GK5: variants seen among roughly 807,000 people sequenced by gnomAD.
GK5 encodes ATP:glycerol 3-phosphotransferase 5.
A neutral mutation model predicts 77.3 loss-of-function variants in GK5; 39 were observed. The observed-to-expected ratio is 0.50, with a 90% CI of 0.39 to 0.66. The LOEUF is 0.66. Ranked by LOEUF, GK5 falls within the 30% of genes least tolerant of loss-of-function variation. The pLI is 0.00. For synonymous variants in GK5, 211 were observed against 208.0 expected, an observed-to-expected ratio of 1.01 and a Z score of -0.13; for missense variants, 487 against 633.8, an observed-to-expected ratio of 0.77 and a Z score of 2.49.
chr3:142,203,248 C>G (rs1210198964), intron 4 of GK5, among the ~76,000 whole-genome samples: 1 of 152,068 alleles, frequency 6.6e-6, no homozygotes, highest in Non-Finnish European at 1.5e-5. Context: ...GTACATTTTT[C>G]TATATTAAAC....
chr3:142,191,986 A>T (rs2063858550), intron 5 of GK5, among the ~76,000 whole-genome samples: 1 of 152,208 alleles, frequency 6.6e-6, no homozygotes, highest in African/African-American at 2.4e-5. Context: ...TGACAGAGCA[A>T]GAATCTGTCT....
intron 4 of GK5, among the ~76,000 whole-genome samples, chr3:142,199,192 T>TAA (rs200622590): frequency 6.6e-6 from 1 of 151,058 alleles, no homozygotes; most frequent in African/African-American, 2.4e-5. Flanking sequence ...TAAACTTTTT[T>TAA]AAAAAAAAAC....
intron 10 of GK5, 136 bp downstream of exon 10, chr3:142,182,787 T>C (rs1013610457): frequency 4.2e-5 from 24 of 566,860 alleles, no homozygotes; most frequent in Non-Finnish European, 6.6e-5. Context: ...AGGGAAATGA[T>C]AATTAACTGT....
intron 4 of GK5, among the ~76,000 whole-genome samples, chr3:142,203,590 C>T (rs1332607940): frequency 1.3e-5 from 2 of 152,084 alleles, no homozygotes; most frequent in East Asian, 1.9e-4. Context: ...CTGACTAACA[C>T]GGTGAAACCC....
At chr3:142,170,501 G>A (rs1292249977) in intron 14 of GK5, 43 bp from the exon 15 acceptor site, 3 of 1,515,602 alleles carry the variant, frequency 2.0e-6, no homozygotes, top group Non-Finnish European at 2.7e-6. Context: ...TACAACAAAA[G>A]TATCATTCTT....
chr3:142,199,937 GGTTT>G (rs1436196144), intron 4 of GK5, among the ~76,000 whole-genome samples: 7 of 151,478 alleles, frequency 4.6e-5, no homozygotes, highest in African/African-American at 1.5e-4. Flanking sequence ...TAAAGATGTT[GGTTT>G]ATTTGTGAAA....
At chr3:142,222,204 A>G (rs2064358386) in intron 1 of GK5, among the ~76,000 whole-genome samples, 1 of 152,220 alleles carries the variant, frequency 6.6e-6, no homozygotes, top group South Asian at 2.1e-4. Flanking sequence ...GACCAACAAG[A>G]TCCTTGTTCC....
chr3:142,225,325 C>T lies in GK5; in HGVS notation c.131G>A (p.Gly44Asp). ...HVYDRAARVCGSSVQKVENLY... is the reference protein window; with the variant it reads ...HVYDRAARVCDSSVQKVENLY... ...CCAAGTCACCTTCTGCACGCTGGAG[C>T]CGCAGACCCGCGCCGCCCGGTCATA... The change falls in exon 1 of 16, where the codon GGC becomes GAC. Residue 44 changes from glycine (G) to aspartate (D), a missense_variant. Physicochemically the swap from Gly to Asp is moderately conservative, Grantham distance 94. This residue lies in a region of GK5 where 97 missense variants were observed against 86.9 expected (regional missense o/e 1.12). Coordinates refer to ENST00000392993, the MANE Select transcript of GK5 (RefSeq NM_001039547.3). The T allele has an allele frequency of 6.5e-7, 1 of 1,547,614 alleles. No homozygotes were observed.
At chr3:142,223,198 T>G (rs1392389682) in intron 1 of GK5, among the ~76,000 whole-genome samples, 1 of 152,226 alleles carries the variant, frequency 6.6e-6, no homozygotes, top group African/African-American at 2.4e-5. Flanking sequence ...CTGCCCCAAA[T>G]TATATATTAA....
rs900423365 is a variant in GK5 at position 142,164,631 on chromosome 3, C to G, written c.*991G>C. The G allele has an allele frequency of 4.6e-5, 7 of 152,150 alleles. No homozygotes were observed. The highest frequency in any genetic ancestry group is 1.7e-4 in the African/African-American group (7 of 41,432). 9.4% of individuals were successfully genotyped at this position (152,150 alleles called of 1,614,324 possible). On this transcript the variant is annotated 3_prime_UTR_variant, in exon 16 of 16. Transcript: ENST00000392993. The stretch of plus-strand genomic sequence containing the variant: ...ACACATACTCACAGGGATGAGTAGA[C>G]TGAACAAACATCAAAAAGACGCAGG...
At chr3:142,174,631 G>T (rs527368554) in intron 12 of GK5, among the ~76,000 whole-genome samples, 115 of 152,294 alleles carry the variant, frequency 7.6e-4, no homozygotes, top group Admixed American at 2.1e-3. Context: ...ACTAGAGATG[G>T]CAATCACAGG....
chr3:142,220,859 T>A (rs866616488), intron 1 of GK5, among the ~76,000 whole-genome samples: 41 of 152,340 alleles, frequency 2.7e-4, no homozygotes, highest in African/African-American at 9.9e-4. Flanking sequence ...CAGATGGGGT[T>A]GTACGTAGGA....
At chr3:142,166,823 C>T (rs2063477676) in intron 15 of GK5, among the ~76,000 whole-genome samples, 1 of 152,204 alleles carries the variant, frequency 6.6e-6, no homozygotes, top group East Asian at 1.9e-4. Flanking sequence ...GTGTGAGCCA[C>T]AGCACCAGGT....
intron 5 of GK5, among the ~76,000 whole-genome samples, chr3:142,191,564 G>A (rs1302457877): frequency 6.6e-6 from 1 of 151,718 alleles, no homozygotes; most frequent in Non-Finnish European, 1.5e-5. Context: ...TTGGCTGGGC[G>A]CTGTGTCTCT....
intron 12 of GK5, among the ~76,000 whole-genome samples, chr3:142,175,173 C>T (rs960897746): frequency 2.6e-5 from 4 of 152,204 alleles, no homozygotes; most frequent in Non-Finnish European, 5.9e-5. Context: ...ACTCTAACGT[C>T]CAGGTAAATG....
At chr3:142,194,695 ATTTT>A (rs1331413526) in intron 5 of GK5, among the ~76,000 whole-genome samples, 1 of 147,638 alleles carries the variant, frequency 6.8e-6, no homozygotes, top group Non-Finnish European at 1.5e-5. Flanking sequence ...AAAAAAGAAA[ATTTT>A]TTTTTTTGTA....
chr3:142,219,029 T>C (rs1218890825), intron 1 of GK5, among the ~76,000 whole-genome samples: 1 of 152,114 alleles, frequency 6.6e-6, no homozygotes, highest in Non-Finnish European at 1.5e-5. Context: ...GAAATGCAAG[T>C]CAAATCAAAT....
At chr3:142,177,857 C>CTTTTTT (rs370889965) in intron 11 of GK5, among the ~76,000 whole-genome samples, 2 of 128,192 alleles carry the variant, frequency 1.6e-5, no homozygotes, top group Non-Finnish European at 3.3e-5. Flanking sequence ...CGTTTTTTTT[C>CTTTTTT]TTTTTTTTTT....
Position 142,215,680 on chromosome 3 carries a change from A to T in GK5, c.160T>A (p.Tyr54Asn), listed in dbSNP as rs2064265975. 1 of 1,561,894 alleles carries T rather than the reference A, an allele frequency of 6.4e-7. No individual in the cohort carries two copies. Among genetic ancestry groups the T allele is most frequent in the African/African-American group, 1.4e-5 (1 of 73,802 alleles). The part of the protein sequence containing the change: ...GSSVQKVENL[Y>N]PQIGWVEIDP... ...ATTTCTACCCAGCCAATTTGAGGAT[A>T]AAGATTTTCTACCTATTAAGGAAAA... Residue 54 changes from tyrosine (Y) to asparagine (N), a missense_variant, in exon 2 of 16, where the codon TAT (tyrosine) becomes AAT (asparagine). This residue lies in a region of GK5 where 97 missense variants were observed against 86.9 expected (regional missense o/e 1.12). Coordinates refer to ENST00000392993, the MANE Select transcript of GK5 (RefSeq NM_001039547.3).
Sources: allele counts gnomAD v4.1 joint callset (sites outside exome capture counted in the v4.1 genomes callset), GRCh38; gene constraint gnomAD v4.1.1; regional missense constraint gnomAD v4.1.1; transcripts MANE v1.5; gene names NCBI Gene and HGNC (gene_info 2026-07-23, HGNC 2026-07-21).